The following HCN1 variants were observed in gnomAD, a reference collection of about 807,000 sequenced individuals.
HCN1 encodes hyperpolarization activated cyclic nucleotide gated potassium channel 1, also known as potassium/sodium hyperpolarization-activated cyclic nucleotide-gated channel 1.
Under a neutral mutation model 78.9 loss-of-function variants are expected in HCN1, and 13 were observed. That is an observed-to-expected ratio of 0.16 (90% CI 0.11 to 0.26). HCN1 has a LOEUF of 0.26. Among genes scored for constraint, HCN1 ranks in the 10% least tolerant of loss-of-function variants. The pLI, the probability that HCN1 is intolerant of heterozygous loss-of-function variation, is 1.00. For missense variants in HCN1, 810 were observed against 1,154.3 expected (o/e 0.70, Z 4.32); for synonymous variants, 552 against 455.5 (o/e 1.21, Z -2.70).
At chr5:45,435,012 G>C (rs926973919) in intron 3 of HCN1, among the ~76,000 whole-genome samples, 1 of 151,852 alleles carries the variant, frequency 6.6e-6, no homozygotes, top group African/African-American at 2.4e-5. Flanking sequence ...TAATTGAAGA[G>C]GGCACAAAGT....
intron 6 of HCN1, among the ~76,000 whole-genome samples, chr5:45,270,438 C>T (rs1001436467): frequency 6.6e-6 from 1 of 152,150 alleles, no homozygotes; most frequent in African/African-American, 2.4e-5. Flanking sequence ...ATGATGCCAG[C>T]CATACAAGAT....
At chr5:45,270,438 C>A (rs1001436467) in intron 6 of HCN1, among the ~76,000 whole-genome samples, 8 of 152,150 alleles carry the variant, frequency 5.3e-5, no homozygotes, top group African/African-American at 1.9e-4. Context: ...ATGATGCCAG[C>A]CATACAAGAT....
At chr5:45,299,474 T>G (rs975283026) in intron 6 of HCN1, among the ~76,000 whole-genome samples, 2 of 152,098 alleles carry the variant, frequency 1.3e-5, no homozygotes, top group African/African-American at 4.8e-5. Flanking sequence ...TCTGGGGATT[T>G]TTTTCAACAT....
chr5:45,371,484 C>A (rs1374679997), intron 4 of HCN1, among the ~76,000 whole-genome samples: 1 of 151,768 alleles, frequency 6.6e-6, no homozygotes, highest in African/African-American at 2.4e-5. Flanking sequence ...CCTGGCTGGG[C>A]ACGGTGACTC....
chr5:45,470,133 T>C (rs1006876276), intron 2 of HCN1, among the ~76,000 whole-genome samples: 1 of 152,048 alleles, frequency 6.6e-6, no homozygotes, highest in Non-Finnish European at 1.5e-5. Context: ...AGTTACATCA[T>C]GCATTGGCAC....
At chr5:45,409,957 A>G (rs1342061749) in intron 3 of HCN1, among the ~76,000 whole-genome samples, 2 of 151,998 alleles carry the variant, frequency 1.3e-5, no homozygotes, top group Non-Finnish European at 2.9e-5. Context: ...CCAAGGTCTG[A>G]TCTGGTTTGT....
intron 2 of HCN1, among the ~76,000 whole-genome samples, chr5:45,635,429 C>T (rs1247451866): frequency 2.6e-5 from 4 of 151,960 alleles, no homozygotes; most frequent in Admixed American, 2.6e-4. Context: ...CTTTCTGATC[C>T]CACTACTCCT....
In HCN1 at chr5:45,281,343, A is replaced by C. The variant is rs565607793; in HGVS notation, c.1619-14090T>G. The stretch of plus-strand genomic sequence containing the variant: ...CTCTCTCTCTCCTGCTCCACCATGT[A>C]TAGTATGTGCCTATTTCCTCTTCAC... On this transcript the variant is annotated intron_variant, in intron 6 of 7. Coordinates refer to ENST00000303230, the MANE Select transcript of HCN1 (RefSeq NM_021072.4). Among the ~76,000 whole-genome samples the C allele has an allele frequency of 9.2e-5, 14 of 152,022 alleles. No homozygotes were observed. In the South Asian group the frequency reaches 2.9e-3, roughly 32 times the overall value.
intron 5 of HCN1, among the ~76,000 whole-genome samples, chr5:45,336,964 T>C (rs927859210): frequency 6.6e-6 from 1 of 151,982 alleles, no homozygotes; most frequent in African/African-American, 2.4e-5. Context: ...CCTTGGGGAT[T>C]AGGATTTCAA....
At chr5:45,601,276 C>T (rs1472870298) in intron 2 of HCN1, among the ~76,000 whole-genome samples, 3 of 152,066 alleles carry the variant, frequency 2.0e-5, no homozygotes, top group Non-Finnish European at 4.4e-5. Context: ...TGTTTTGTCA[C>T]ACAGTAATTT....
intron 2 of HCN1, among the ~76,000 whole-genome samples, chr5:45,554,091 C>A (rs1319248920): frequency 6.6e-6 from 1 of 151,888 alleles, no homozygotes; most frequent in African/African-American, 2.4e-5. Flanking sequence ...TTAACCTTTT[C>A]TCCTTCACTG....
At chr5:45,420,136 C>A (rs1740198117) in intron 3 of HCN1, among the ~76,000 whole-genome samples, 1 of 152,166 alleles carries the variant, frequency 6.6e-6, no homozygotes, top group Non-Finnish European at 1.5e-5. Context: ...GCGAAGGGAT[C>A]TGAAGTTTCT....
In HCN1 at chr5:45,630,223, T is replaced by C. The variant is rs190842279; in HGVS notation, c.849+14962A>G. 4.9e-4 allele frequency among the ~76,000 whole-genome samples: 75 copies of C among 152,248 alleles called. 1 individual carries two copies. The East Asian group carries it at 0.014, about 28-fold the overall frequency. ...TTACCTGCCTCTTTTCCAAAACTAG[T>C]ATATACCAGTTTCAGTCATATTTAA... On this transcript the variant is annotated intron_variant, in intron 2 of 7. Coordinates refer to ENST00000303230, the MANE Select transcript of HCN1 (RefSeq NM_021072.4).
intron 5 of HCN1, among the ~76,000 whole-genome samples, chr5:45,338,697 AT>A (rs1746513944): frequency 6.6e-6 from 1 of 152,144 alleles, no homozygotes; most frequent in Non-Finnish European, 1.5e-5. Flanking sequence ...TGAAAGGTGA[AT>A]TGATATATTT....
At chr5:45,310,689 T>A (rs1745831419) in intron 5 of HCN1, among the ~76,000 whole-genome samples, 1 of 152,076 alleles carries the variant, frequency 6.6e-6, no homozygotes, top group Non-Finnish European at 1.5e-5. Context: ...GAATATAAAT[T>A]GTTCTATTAT....
intron 3 of HCN1, among the ~76,000 whole-genome samples, chr5:45,432,889 G>A (rs537643065): frequency 1.3e-5 from 2 of 152,028 alleles, no homozygotes; most frequent in Non-Finnish European, 2.9e-5. Context: ...GGAGGCAAAC[G>A]AGGTGTTTGC....
intron 3 of HCN1, among the ~76,000 whole-genome samples, chr5:45,424,162 G>A (rs991673000): frequency 2.7e-5 from 4 of 150,926 alleles, no homozygotes; most frequent in East Asian, 1.9e-4. Flanking sequence ...GCTTGGTGGC[G>A]GGCACCTGTA....
At chr5:45,647,716 A>C (rs965320475) in intron 1 of HCN1, among the ~76,000 whole-genome samples, 5 of 151,952 alleles carry the variant, frequency 3.3e-5, no homozygotes, top group Non-Finnish European at 5.9e-5. Flanking sequence ...CAAACTCATA[A>C]TCTCCTCTCC....
chr5:45,431,619 A>G (rs1284916001), intron 3 of HCN1, among the ~76,000 whole-genome samples: 4 of 152,156 alleles, frequency 2.6e-5, no homozygotes, highest in Non-Finnish European at 5.9e-5. Context: ...TGTATGGTAT[A>G]GGGAACGGAT....
Sources: allele counts gnomAD v4.1 joint callset (sites outside exome capture counted in the v4.1 genomes callset), GRCh38; gene constraint gnomAD v4.1.1; transcripts MANE v1.5; gene names NCBI Gene and HGNC (gene_info 2026-07-23, HGNC 2026-07-21).